The following DNAH7 variants were observed in gnomAD, a reference collection of about 807,000 sequenced individuals.
The protein encoded by DNAH7 is dynein axonemal heavy chain 7.
A neutral mutation model predicts 444.6 loss-of-function variants in DNAH7; 397 were observed. The observed-to-expected ratio is 0.89, with a 90% CI of 0.82 to 0.97. DNAH7 has a LOEUF of 0.97. Among genes scored for constraint, DNAH7 ranks in the 50% least tolerant of loss-of-function variants. The pLI is 0.00. For missense variants in DNAH7, 4,902 were observed against 4,800.8 expected (o/e 1.02, Z -0.62); for synonymous variants, 1,636 against 1,624.4 (o/e 1.01, Z -0.17).
intron 9 of DNAH7, among the ~76,000 whole-genome samples, chr2:196,018,144 G>T (rs1695142647): frequency 6.6e-6 from 1 of 152,082 alleles, no homozygotes; most frequent in Non-Finnish European, 1.5e-5. Flanking sequence ...GATATAAGTA[G>T]AGAATTCATA....
rs367547745 is a variant in DNAH7 at position 195,984,829 on chromosome 2, T to C, written c.1755-119A>G. 5.4e-5 allele frequency: 48 copies of C among 895,428 alleles called. No individual in the cohort carries two copies. In the East Asian group the frequency reaches 1.2e-3, roughly 22 times the overall value. 55.5% of individuals were successfully genotyped at this position (895,428 alleles called of 1,614,324 possible). A position where few individuals can be genotyped will look rare whatever the true frequency, so the allele number is the denominator to read the frequency against. On this transcript the variant is annotated intron_variant, in intron 14 of 64. Transcript: ENST00000312428. ...AAAAATAAAAACTATAACTTAGCTA[T>C]ATGACATCTAATAATTAAAAGCAAA...
chr2:195,762,488 C>T (rs1306152412), intron 61 of DNAH7, among the ~76,000 whole-genome samples: 1 of 152,060 alleles, frequency 6.6e-6, no homozygotes, highest in Non-Finnish European at 1.5e-5. Context: ...CCAGAAGAAA[C>T]ACACTTCACC....
At chr2:195,819,634 T>G (rs1394692941) in intron 49 of DNAH7, among the ~76,000 whole-genome samples, 3 of 152,028 alleles carry the variant, frequency 2.0e-5, no homozygotes, top group Admixed American at 2.0e-4. Flanking sequence ...GAACATACAT[T>G]GGGATAAGGA....
At chr2:195,786,903 C>A in intron 58 of DNAH7, 107 bp downstream of exon 58, 2 of 1,190,426 alleles carry the variant, frequency 1.7e-6, no homozygotes, top group Admixed American at 2.6e-5. Context: ...CTCTCCTATT[C>A]ATTTCATAAG....
At chr2:195,823,937 T>C (rs889288349) in intron 49 of DNAH7, among the ~76,000 whole-genome samples, 3 of 152,162 alleles carry the variant, frequency 2.0e-5, no homozygotes, top group African/African-American at 7.2e-5. Context: ...TTTCAATAAT[T>C]AGCATATAAT....
chr2:195,949,124 T>C (rs554694761), intron 19 of DNAH7, among the ~76,000 whole-genome samples: 5 of 152,328 alleles, frequency 3.3e-5, no homozygotes, highest in Admixed American at 1.3e-4. Flanking sequence ...GCTTGTGATT[T>C]CTGCACACTG....
chr2:195,770,507 T>G (rs560316975), intron 61 of DNAH7, among the ~76,000 whole-genome samples: 1 of 152,056 alleles, frequency 6.6e-6, no homozygotes, highest in Non-Finnish European at 1.5e-5. Context: ...GCTTGTTTTC[T>G]CTTGGCTTTA....
rs780027934 is a variant in DNAH7, at chr2:195,816,802, A to G, written c.9587T>C (p.Ile3196Thr). 1.5e-5 allele frequency: 25 copies of G among 1,614,030 alleles called. No homozygotes were observed. Among genetic ancestry groups the G allele is most frequent in the Non-Finnish European group, 2.0e-5 (24 of 1,180,006 alleles). Residue 3196 changes from isoleucine to threonine, a missense_variant, in exon 51 of 65, where the codon ATT (isoleucine) becomes ACT (threonine). Physicochemically the swap from Ile to Thr is moderately conservative, Grantham distance 89. Transcript: ENST00000312428. ...ACGATAGCCCATGCGGGTGGTGTCA[A>G]TCTTTTTCTCTGTCTCTTCGGCTAC... is the stretch of plus-strand genomic sequence containing the variant. ...QEVAEETEKK[I>T]DTTRMGYRPI...
intron 57 of DNAH7, among the ~76,000 whole-genome samples, chr2:195,791,605 CAT>C (rs1342053556): frequency 6.6e-6 from 1 of 152,124 alleles, no homozygotes; most frequent in East Asian, 1.9e-4. Context: ...CACATGAACT[CAT>C]ATATTCTCAG....
intron 33 of DNAH7, 104 bp from the exon 34 acceptor site, chr2:195,886,376 A>T (rs1701713156): frequency 1.9e-6 from 2 of 1,028,986 alleles, no homozygotes; most frequent in East Asian, 2.6e-5. Context: ...ACAGGTAGTA[A>T]TAATTTTAAA....
chr2:195,857,958 T>TC (rs777864336), intron 43 of DNAH7, among the ~76,000 whole-genome samples: 3 of 152,174 alleles, frequency 2.0e-5, no homozygotes, highest in Non-Finnish European at 2.9e-5. Context: ...ATTAAAATAT[T>TC]CCCCTTTCAC....
At chr2:195,750,538 C>T (rs1347323088) in intron 63 of DNAH7, among the ~76,000 whole-genome samples, 7 of 152,272 alleles carry the variant, frequency 4.6e-5, no homozygotes, top group East Asian at 3.9e-4. Context: ...AGAAAACTTT[C>T]GTTGAGAAAT....
At position 195,834,207 on chromosome 2, in the gene DNAH7, A is replaced by G; in HGVS notation, c.9099T>C (p.Pro3033=). The change falls in exon 48 of 65, where the codon CCT becomes CCC. Residue 3033 remains proline (P), a splice_region_variant and synonymous_variant. Coordinates refer to ENST00000312428, the MANE Select transcript of DNAH7 (RefSeq NM_018897.3). Reference sequence around the variant, plus strand: ...TATCTTAGTTATTCAACTACATACCAGGAGTACCAAACTGGATGCAATTTT... The same window carrying G: ...TATCTTAGTTATTCAACTACATACCGGGAGTACCAAACTGGATGCAATTTT... The part of the protein sequence containing the change: ...TLENCIQFGT[P]VLLENVGEEL... 1 of 1,604,180 alleles carries G rather than the reference A, an allele frequency of 6.2e-7. No homozygotes were observed. The highest frequency in any genetic ancestry group is 8.5e-7 in the Non-Finnish European group (1 of 1,172,608).
At position 195,766,167 on chromosome 2, in the gene DNAH7, ATTTT is replaced by A. The variant is rs755912873; in HGVS notation, c.11433+5489_11433+5492del. ...GTTCTCGTTTAATTTGTGGGAGCTAATTTTTTTTTTTTTTTTTTTTTTTTGAGAC... is the reference window on the plus strand; with the variant it reads ...GTTCTCGTTTAATTTGTGGGAGCTAATTTTTTTTTTTTTTTTTTTTGAGAC... On this transcript the variant is annotated intron_variant, in intron 61 of 64. Coordinates refer to ENST00000312428, the MANE Select transcript of DNAH7 (RefSeq NM_018897.3). Among the ~76,000 whole-genome samples, 138 of 57,340 alleles carry A rather than the reference ATTTT, an allele frequency of 2.4e-3. 2 individuals are homozygous for A. The highest frequency in any genetic ancestry group is 3.1e-3 in the Non-Finnish European group (84 of 26,866). The allele number at this position is 57,340 out of a possible 152,430, so 37.6% of individuals were successfully genotyped here.
chr2:195,897,600 A>T, intron 29 of DNAH7, 67 bp downstream of exon 29: 1 of 907,998 alleles, frequency 1.1e-6, no homozygotes, highest in South Asian at 1.6e-5. Flanking sequence ...GAGCTTCACA[A>T]CCTTAGACAT....
intron 1 of DNAH7, among the ~76,000 whole-genome samples, chr2:196,066,702 T>C (rs1427143748): frequency 6.6e-6 from 1 of 152,178 alleles, no homozygotes; most frequent in African/African-American, 2.4e-5. Flanking sequence ...TCCTGAAAAA[T>C]TCCATGTCAC....
chr2:196,064,992 TCTG>T (rs1698346025), intron 1 of DNAH7, among the ~76,000 whole-genome samples: 1 of 152,188 alleles, frequency 6.6e-6, no homozygotes, highest in African/African-American at 2.4e-5. Flanking sequence ...TATGTGCATC[TCTG>T]TTTTGTCCCT....
intron 57 of DNAH7, among the ~76,000 whole-genome samples, chr2:195,791,084 A>C (rs1695855381): frequency 6.6e-6 from 1 of 152,142 alleles, no homozygotes; most frequent in Non-Finnish European, 1.5e-5. Context: ...GAAACATAAC[A>C]AAAAAAGTGC....
chr2:196,021,969 A>G (rs1262258178), intron 8 of DNAH7, among the ~76,000 whole-genome samples: 2 of 152,122 alleles, frequency 1.3e-5, no homozygotes. Context: ...TCTACTAAAA[A>G]TACAAAAATT....
Sources: allele counts gnomAD v4.1 joint callset (sites outside exome capture counted in the v4.1 genomes callset), GRCh38; gene constraint gnomAD v4.1.1; transcripts MANE v1.5; gene names NCBI Gene and HGNC (gene_info 2026-07-23, HGNC 2026-07-21).